Variants in IRS2 observed in about 807,000 individuals in gnomAD.
IRS2 encodes insulin receptor substrate 2.
Under a neutral mutation model 70.9 loss-of-function variants are expected in IRS2, and 28 were observed. That is an observed-to-expected ratio of 0.39 (90% CI 0.29 to 0.54). IRS2 has a LOEUF of 0.54. Among genes scored for constraint, IRS2 ranks in the 20% least tolerant of loss-of-function variants. IRS2 has a pLI of 0.59. For missense variants in IRS2, 2,081 were observed against 2,024.1 expected (o/e 1.03, Z -0.54); for synonymous variants, 1,217 against 981.9 (o/e 1.24, Z -4.48).
At chr13:109,760,029 C>T (rs1425270982) in intron 1 of IRS2, among the ~76,000 whole-genome samples, 2 of 152,136 alleles carry the variant, frequency 1.3e-5, no homozygotes, top group Non-Finnish European at 2.9e-5. Context: ...TTCATCCTGA[C>T]CAGGGGAAAA....
Position 109,783,390 on chromosome 13 carries a change from C to A in IRS2, c.2664G>T (p.Val888=). Residue 888 remains valine (V), a synonymous_variant, in exon 1 of 2, where the codon GTG becomes GTT. Transcript: ENST00000375856. ...EGFLGQRGRA[V]RPTRLSLEGL... The stretch of plus-strand genomic sequence containing the variant: ...CCTCCAGGGACAGGCGCGTGGGCCT[C>A]ACCGCCCGGCCGCGCTGGCCCAAGA... 6.7e-7 allele frequency: 1 copy of A among 1,493,120 alleles called. No individual in the cohort carries two copies. Among genetic ancestry groups the A allele is most frequent in the East Asian group, 2.7e-5 (1 of 37,558 alleles). The allele number at this position is 1,493,120 out of a possible 1,614,324, so 92.5% of individuals were successfully genotyped here. A position where few individuals can be genotyped will look rare whatever the true frequency, so the allele number is the denominator to read the frequency against.
chr13:109,785,055 G>C lies in IRS2; in HGVS notation c.999C>G (p.Pro333=). The C allele has an allele frequency of 6.4e-7, 1 of 1,559,760 alleles. No homozygotes were observed. Among genetic ancestry groups the C allele is most frequent in the Non-Finnish European group, 8.7e-7 (1 of 1,154,164 alleles). The change falls in exon 1 of 2, where the codon CCC becomes CCG. Residue 333 remains proline (P), a synonymous_variant. Transcript: ENST00000375856. The surrounding 1 kb of genome is among the most constrained non-coding windows in gnomAD (Gnocchi z 9.3). ...AGCGGCGCACCAGGCCCGTCTGGCT[G>C]GGGGGCAGGTTGACCAGGTGGTGGT... ...RRHHHLVNLP[P]SQTGLVRRSR...
Position 109,783,757 on chromosome 13 carries a change from T to C in IRS2, c.2297A>G (p.Tyr766Cys). Residue 766 changes from tyrosine (Y) to cysteine (C), a missense_variant, in exon 1 of 2, where the codon TAC becomes TGC. By Grantham distance (194) the Tyr-to-Cys change is radical (BLOSUM62 -2). This residue lies in a region of IRS2 where 1,615 missense variants were observed against 1,459.5 expected (regional missense o/e 1.11). Transcript: ENST00000375856. ...ADGKLLPNGD[Y>C]LNVSPSDAVT... ...CGCGTCGCTGGGGGACACGTTGAGGTAGTCCCCGTTGGGCAGCAGCTTGCC... is the reference window on the plus strand; with the variant it reads ...CGCGTCGCTGGGGGACACGTTGAGGCAGTCCCCGTTGGGCAGCAGCTTGCC... The C allele has an allele frequency of 1.3e-6, 2 of 1,592,616 alleles. No individual in the cohort carries two copies. The highest frequency in any genetic ancestry group is 1.3e-5 in the African/African-American group (1 of 74,542).
rs532810290 is a variant in IRS2, at chr13:109,785,969, GGTTGTTGTTGTT to G, written c.73_84del (p.Asn25_Asn28del). ...AGGTAGCCGCACTTGCGCACGCTGT[GGTTGTTGTTGTT>G]GTTGTTGTTGTTGAGGTTGGGGCCG... is the stretch of plus-strand genomic sequence containing the variant. On this transcript the variant is annotated inframe_deletion, in exon 1 of 2. Coordinates refer to ENST00000375856, the MANE Select transcript of IRS2 (RefSeq NM_003749.3). The surrounding 1 kb of genome is among the most constrained non-coding windows in gnomAD (Gnocchi z 9.3). The G allele has an allele frequency of 6.0e-6, 9 of 1,491,110 alleles. No homozygotes were observed. Among genetic ancestry groups the G allele is most frequent in the African/African-American group, 1.5e-5 (1 of 68,874 alleles). 92.4% of individuals were successfully genotyped at this position (1,491,110 alleles called of 1,614,324 possible). A position where few individuals can be genotyped will look rare whatever the true frequency, so the allele number is the denominator to read the frequency against.
rs1877086817 is a variant in IRS2, at chr13:109,755,534, T to A, written c.*770A>T. On this transcript the variant is annotated 3_prime_UTR_variant, in exon 2 of 2. Coordinates refer to ENST00000375856, the MANE Select transcript of IRS2 (RefSeq NM_003749.3). ...TCATCCCCTTCCCAAAGCCCTTCCC[T>A]CCCACCTCCCACTACCCAATACAGT... 1 of 209,408 alleles carries A rather than the reference T, an allele frequency of 4.8e-6. No individual in the cohort carries two copies. 13.0% of individuals were successfully genotyped at this position (209,408 alleles called of 1,614,324 possible).
rs1376663804 is a variant in IRS2 at position 109,783,728 on chromosome 13, T to C, written c.2326A>G (p.Thr776Ala). 3 of 1,579,416 alleles carry C rather than the reference T, an allele frequency of 1.9e-6. No individual in the cohort carries two copies. The African/African-American group carries it at 4.0e-5, about 21-fold the overall frequency. The change falls in exon 1 of 2, where the codon ACC (threonine) becomes GCC (alanine). Residue 776 changes from threonine (T) to alanine (A), a missense_variant. Thr to Ala is a moderately conservative substitution (Grantham distance 58, BLOSUM62 0). Coordinates refer to ENST00000375856, the MANE Select transcript of IRS2 (RefSeq NM_003749.3). ...YLNVSPSDAV[T>A]TGTPPDFFSA... ...AAGAAGTCGGGCGGGGTGCCCGTGG[T>C]GACCGCGTCGCTGGGGGACACGTTG...
At chr13:109,780,468 A>G (rs1239976233) in intron 1 of IRS2, among the ~76,000 whole-genome samples, 1 of 152,230 alleles carries the variant, frequency 6.6e-6, no homozygotes, top group Non-Finnish European at 1.5e-5. Flanking sequence ...CACACTCCTG[A>G]TAATTCTCTG....
Position 109,785,730 on chromosome 13 carries a change from C to T in IRS2, c.324G>A (p.Lys108=). ...CLNINKRADA[K]HKYLIALYTK... ...TGTAGAGGGCGATCAGGTACTTGTG[C>T]TTGGCGTCGGCGCGCTTGTTGATGT... The change falls in exon 1 of 2, where the codon AAG becomes AAA. Residue 108 remains lysine (K), a synonymous_variant. Transcript: ENST00000375856. The surrounding 1 kb of genome is among the most constrained non-coding windows in gnomAD (Gnocchi z 9.3). 2 of 1,599,126 alleles carry T rather than the reference C, an allele frequency of 1.3e-6. No homozygotes were observed. The highest frequency in any genetic ancestry group is 1.7e-6 in the Non-Finnish European group (2 of 1,178,132).
Position 109,785,448 on chromosome 13 carries a change from C to T in IRS2, c.606G>A (p.Leu202=), listed in dbSNP as rs774105791. ...TGCTCTGGCCCAGACCCTTGGGCTT[C>T]AGGTTCACCTGCCACACCTCACGGT... is the stretch of plus-strand genomic sequence containing the variant. ...AAYREVWQVN[L]KPKGLGQSKN... The change falls in exon 1 of 2, where the codon CTG becomes CTA. Residue 202 remains leucine, a synonymous_variant. Coordinates refer to ENST00000375856, the MANE Select transcript of IRS2 (RefSeq NM_003749.3). The surrounding 1 kb of genome is among the most constrained non-coding windows in gnomAD (Gnocchi z 9.3). The T allele has an allele frequency of 1.9e-6, 3 of 1,611,722 alleles. No homozygotes were observed. In the Admixed American group the frequency reaches 5.0e-5, roughly 27 times the overall value.
rs201575226 is a variant in IRS2 at position 109,783,617 on chromosome 13, G to A, written c.2437C>T (p.Pro813Ser). 73 of 1,549,520 alleles carry A rather than the reference G, an allele frequency of 4.7e-5. No individual in the cohort carries two copies. In the East Asian group the frequency reaches 1.1e-3, roughly 23 times the overall value. ...TCGCTGTCCCCGCCACAGGTGTAGG[G>A]GGCCTTGTAGGAGCGGGGCAAGGAG... The part of the protein sequence containing the change: ...YSSLPRSYKA[P>S]YTCGGDSDQY... Residue 813 changes from proline (P) to serine (S), a missense_variant, in exon 1 of 2, where the codon CCC becomes TCC. By Grantham distance (74) the Pro-to-Ser change is moderately conservative. Around this residue, in one of 4 missense-constraint regions of IRS2, gnomAD observed 1,615 missense variants for 1,459.5 expected, o/e 1.11. Transcript: ENST00000375856.
Position 109,783,055 on chromosome 13 carries a change from C to T in IRS2, c.2999G>A (p.Gly1000Asp), listed in dbSNP as rs1278055869. ...GGGGGACAGGAGGCCGTCCAAGGAG[C>T]CCACGGGGTGGCCGCTCGGGGCGCC... is the stretch of plus-strand genomic sequence containing the variant. The part of the protein sequence containing the change: ...KPGAPSGHPV[G>D]SLDGLLSPEA... The change falls in exon 1 of 2, where the codon GGC becomes GAC. Residue 1000 changes from glycine (G) to aspartate (D), a missense_variant. Physicochemically the swap from Gly to Asp is moderately conservative, Grantham distance 94. Around this residue, in one of 4 missense-constraint regions of IRS2, gnomAD observed 1,615 missense variants for 1,459.5 expected, o/e 1.11. Transcript: ENST00000375856. 3.6e-6 allele frequency: 5 copies of T among 1,376,348 alleles called. No individual in the cohort carries two copies. Among genetic ancestry groups the T allele is most frequent in the South Asian group, 3.4e-5 (2 of 58,052 alleles). The allele number at this position is 1,376,348 out of a possible 1,614,324, so 85.3% of individuals were successfully genotyped here. A position where few individuals can be genotyped will look rare whatever the true frequency, so the allele number is the denominator to read the frequency against.
chr13:109,774,788 T>TATGGTAAGAC (rs949090390), intron 1 of IRS2, among the ~76,000 whole-genome samples: 12 of 152,192 alleles, frequency 7.9e-5, no homozygotes, highest in African/African-American at 2.9e-4. Context: ...TACCATATTG[T>TATGGTAAGAC]ATATAGGAAA....
At position 109,785,546 on chromosome 13, in the gene IRS2, C is replaced by A; in HGVS notation, c.508G>T (p.Ala170Ser). ...GCGGCGCCGGCAGAGCCGCCCAGGGCGCCGGGCAGGGAGGCGCTGCAGGAC... is the reference window on the plus strand; with the variant it reads ...GCGGCGCCGGCAGAGCCGCCCAGGGAGCCGGGCAGGGAGGCGCTGCAGGAC... ...AASCSASLPG[A>S]LGGSAGAAGA... Residue 170 changes from alanine (A) to serine (S), a missense_variant, in exon 1 of 2, where the codon GCC (alanine) becomes TCC (serine). Ala to Ser is a moderately conservative substitution (Grantham distance 99). This residue lies in a region of IRS2 where 320 missense variants were observed against 352.9 expected (regional missense o/e 0.91). Transcript: ENST00000375856. The surrounding 1 kb of genome is among the most constrained non-coding windows in gnomAD (Gnocchi z 9.3). 6.5e-7 allele frequency: 1 copy of A among 1,544,762 alleles called. No individual in the cohort carries two copies. The highest frequency in any genetic ancestry group is 8.7e-7 in the Non-Finnish European group (1 of 1,144,596).
chr13:109,783,281 C>T lies in IRS2; in HGVS notation c.2773G>A (p.Gly925Ser). Residue 925 changes from glycine to serine, a missense_variant, in exon 1 of 2, where the codon GGC (glycine) becomes AGC (serine). By Grantham distance (56) the Gly-to-Ser change is moderately conservative (BLOSUM62 0). Coordinates refer to ENST00000375856, the MANE Select transcript of IRS2 (RefSeq NM_003749.3). ...SPGEYINIDF[G>S]EPGARLSPPA... The stretch of plus-strand genomic sequence containing the variant: ...GGCGACAGGCGGGCCCCGGGCTCGC[C>T]AAAGTCGATGTTGATGTACTCGCCG... 1.3e-6 allele frequency: 2 copies of T among 1,489,478 alleles called. No homozygotes were observed. The highest frequency in any genetic ancestry group is 1.8e-6 in the Non-Finnish European group (2 of 1,126,168). 92.3% of individuals were successfully genotyped at this position (1,489,478 alleles called of 1,614,324 possible).
rs1215765529 is a variant in IRS2, at chr13:109,783,076, G to A, written c.2978C>T (p.Ala993Val). The change falls in exon 1 of 2, where the codon GCC becomes GTC. Residue 993 changes from alanine (A) to valine (V), a missense_variant. Physicochemically the swap from Ala to Val is moderately conservative, Grantham distance 64. Transcript: ENST00000375856. Reference sequence around the variant, plus strand: ...GGAGCCCACGGGGTGGCCGCTCGGGGCGCCCGGCTTAGGAGACTTGGGGGA... The same window carrying A: ...GGAGCCCACGGGGTGGCCGCTCGGGACGCCCGGCTTAGGAGACTTGGGGGA... ...FSSPKSPKPG[A>V]PSGHPVGSLD... is the part of the protein sequence containing the mutation. 1.4e-6 allele frequency: 2 copies of A among 1,382,158 alleles called. No individual in the cohort carries two copies. The highest frequency in any genetic ancestry group is 1.9e-6 in the Non-Finnish European group (2 of 1,074,350). The allele number at this position is 1,382,158 out of a possible 1,614,324, so 85.6% of individuals were successfully genotyped here.
In IRS2 at chr13:109,782,177, G is replaced by A. The variant is rs777747197; in HGVS notation, c.3877C>T (p.Leu1293Phe). 5.4e-5 allele frequency: 87 copies of A among 1,606,076 alleles called. No homozygotes were observed. Among genetic ancestry groups the A allele is most frequent in the Admixed American group, 1.5e-4 (9 of 59,026 alleles). The change falls in exon 1 of 2, where the codon CTC becomes TTC. Residue 1293 changes from leucine (L) to phenylalanine (F), a missense_variant. By Grantham distance (22) the Leu-to-Phe change is conservative. Around this residue, in one of 4 missense-constraint regions of IRS2, gnomAD observed 1,615 missense variants for 1,459.5 expected, o/e 1.11. Coordinates refer to ENST00000375856, the MANE Select transcript of IRS2 (RefSeq NM_003749.3). The part of the protein sequence containing the change: ...SWGRTRSLGG[L>F]ISAVGVGSTG... ...CTGCCGACGCCCACAGCGCTGATGA[G>A]ACCCCCGAGGCTTCGGGTCCGGCCC...
chr13:109,760,728 T>A (rs933739941), intron 1 of IRS2, among the ~76,000 whole-genome samples: 1 of 152,100 alleles, frequency 6.6e-6, no homozygotes, highest in Non-Finnish European at 1.5e-5. Context: ...GAGCTGTCAG[T>A]AAAAGCTCCA....
chr13:109,777,496 T>C (rs1594386794), intron 1 of IRS2, among the ~76,000 whole-genome samples: 1 of 152,318 alleles, frequency 6.6e-6, no homozygotes, highest in African/African-American at 2.4e-5. Context: ...AGATTCCTTT[T>C]TGGGTGGTAG....
chr13:109,784,989 C>T lies in IRS2; in HGVS notation c.1065G>A (p.Lys355=). Reference sequence around the variant, plus strand: ...CGGTGCGCACCCGGCACGAGCTGCACTTGGCCGCCGGCGGGGTGGCGGCCA... The same window carrying T: ...CGGTGCGCACCCGGCACGAGCTGCATTTGGCCGCCGGCGGGGTGGCGGCCA... ...DSLAATPPAA[K]CSSCRVRTAS... Residue 355 remains lysine, a synonymous_variant, in exon 1 of 2, where the codon AAG becomes AAA. Transcript: ENST00000375856. This position sits in a 1 kb window ranked among gnomAD's most constrained non-coding sequence, Gnocchi z 5.2. 7.1e-7 allele frequency: 1 copy of T among 1,401,228 alleles called. No individual in the cohort carries two copies. The highest frequency in any genetic ancestry group is 9.2e-7 in the Non-Finnish European group (1 of 1,084,086). 86.8% of individuals were successfully genotyped at this position (1,401,228 alleles called of 1,614,324 possible).
Sources: gnomAD v4.1 joint callset for allele counts (sites outside exome capture counted in the v4.1 genomes callset) on GRCh38, gnomAD v4.1.1 for gene constraint, gnomAD v4.1.1 regional missense constraint, Gnocchi (gnomAD v3.1) non-coding constraint, MANE v1.5 for transcripts, NCBI Gene and HGNC (gene_info 2026-07-23, HGNC 2026-07-21) for gene names.